The following ERG variants were observed in gnomAD, a reference collection of about 807,000 sequenced individuals.
ERG encodes the protein transcriptional regulator ERG.
Under a neutral mutation model 55.3 loss-of-function variants are expected in ERG, and 9 were observed. That is an observed-to-expected ratio of 0.16 (90% CI 0.10 to 0.28). ERG has a LOEUF of 0.28. Among genes scored for constraint, ERG ranks in the 10% least tolerant of loss-of-function variants. The pLI, the probability that ERG is intolerant of heterozygous loss-of-function variation, is 1.00. For synonymous variants in ERG, 223 were observed against 237.3 expected, an observed-to-expected ratio of 0.94 and a Z score of 0.55; for missense variants, 434 against 631.6, an observed-to-expected ratio of 0.69 and a Z score of 3.35.
chr21:38,505,533 T>C (rs1018327404), intron 2 of ERG, among the ~76,000 whole-genome samples: 8 of 152,222 alleles, frequency 5.3e-5, no homozygotes, highest in African/African-American at 1.9e-4. Context: ...TTTGTTGTTG[T>C]CATCTGATGC....
intron 2 of ERG, among the ~76,000 whole-genome samples, chr21:38,546,102 T>A (rs2059786258): frequency 6.6e-6 from 1 of 152,198 alleles, no homozygotes; most frequent in Admixed American, 6.5e-5. Flanking sequence ...CTCCTCTGTA[T>A]GCAGCACTTA....
intron 1 of ERG, among the ~76,000 whole-genome samples, chr21:38,643,524 A>G (rs1169018778): frequency 6.6e-6 from 1 of 152,070 alleles, no homozygotes; most frequent in Non-Finnish European, 1.5e-5. Context: ...TAAGAGGCAA[A>G]TTTGTTTCTT....
At chr21:38,556,461 G>A (rs1321471112) in intron 2 of ERG, among the ~76,000 whole-genome samples, 2 of 152,174 alleles carry the variant, frequency 1.3e-5, no homozygotes, top group Non-Finnish European at 2.9e-5. Context: ...GATAGGAGGA[G>A]ATAGGGCATA....
chr21:38,627,724 T>C (rs1037168233), intron 1 of ERG, among the ~76,000 whole-genome samples: 3 of 152,192 alleles, frequency 2.0e-5, no homozygotes, highest in African/African-American at 7.2e-5. Flanking sequence ...ACGAGTTTTG[T>C]CCCATGTTTT....
At chr21:38,548,471 G>A (rs1191727909) in intron 2 of ERG, among the ~76,000 whole-genome samples, 5 of 145,228 alleles carry the variant, frequency 3.4e-5, no homozygotes, top group South Asian at 2.2e-4. Context: ...TTTTTGAGAC[G>A]GAAGCTCACT....
At chr21:38,497,648 A>G (rs892303497) in intron 1 of ERG, among the ~76,000 whole-genome samples, 1 of 152,244 alleles carries the variant, frequency 6.6e-6, no homozygotes, top group Non-Finnish European at 1.5e-5. Context: ...AAGGAAATGC[A>G]TCAGACCAAA....
chr21:38,490,139 G>A (rs1377146750), intron 1 of ERG, among the ~76,000 whole-genome samples: 1 of 152,206 alleles, frequency 6.6e-6, no homozygotes, highest in South Asian at 2.1e-4. Flanking sequence ...AGCTCACTGT[G>A]TCTGTCAGAG....
chr21:38,437,996 G>A (rs558712539), intron 2 of ERG, among the ~76,000 whole-genome samples: 11 of 152,236 alleles, frequency 7.2e-5, no homozygotes, highest in South Asian at 4.2e-4. Flanking sequence ...ATGGCCCCAC[G>A]GGCTCTCCAA....
chr21:38,507,958 C>T (rs368323716), intron 2 of ERG, among the ~76,000 whole-genome samples: 35 of 55,330 alleles, frequency 6.3e-4, no homozygotes, highest in Non-Finnish European at 9.0e-4. Context: ...CTCACACACA[C>T]GCACATGCAC....
chr21:38,501,391 T>G (rs561649822), upstream of ERG, among the ~76,000 whole-genome samples: 18 of 152,014 alleles, frequency 1.2e-4, no homozygotes, highest in African/African-American at 4.4e-4. Context: ...AACTAGAATA[T>G]AGCAGTGCAG....
At chr21:38,618,923 C>T (rs73442419) in intron 1 of ERG, among the ~76,000 whole-genome samples, 9,930 of 152,236 alleles carry the variant, frequency 0.065, 589 homozygotes, top group African/African-American at 0.16. Flanking sequence ...AGAACCCAAT[C>T]CTGAAAATTT....
chr21:38,490,234 C>T (rs2059323758), intron 1 of ERG, among the ~76,000 whole-genome samples: 2 of 151,016 alleles, frequency 1.3e-5, no homozygotes, highest in Non-Finnish European at 2.9e-5. Context: ...ATTCAATTCA[C>T]AAACTGTTGT....
chr21:38,458,654 C>T (rs746153742), intron 1 of ERG, among the ~76,000 whole-genome samples: 9 of 152,160 alleles, frequency 5.9e-5, no homozygotes, highest in Middle Eastern at 3.2e-3. Flanking sequence ...GTTTCACTCA[C>T]GTCAGTGTCT....
chr21:38,510,160 T>A (rs1235891933), intron 2 of ERG, among the ~76,000 whole-genome samples: 1 of 152,212 alleles, frequency 6.6e-6, no homozygotes, highest in Non-Finnish European at 1.5e-5. Context: ...CCCAAACATC[T>A]AAAAAGCTTC....
chr21:38,519,109 G>A (rs2059574963), intron 2 of ERG, among the ~76,000 whole-genome samples: 1 of 152,168 alleles, frequency 6.6e-6, no homozygotes, highest in Admixed American at 6.5e-5. Context: ...ACATCAGAAT[G>A]TCTAAAACAA....
chr21:38,453,131 C>T (rs2058956605), intron 1 of ERG, among the ~76,000 whole-genome samples: 1 of 152,162 alleles, frequency 6.6e-6, no homozygotes, highest in Non-Finnish European at 1.5e-5. Context: ...TTGCCATTGG[C>T]AATATGTCTG....
chr21:38,400,761 C>T (rs1988452081), intron 5 of ERG, 116 bp from the exon 6 acceptor site: 1 of 713,312 alleles, frequency 1.4e-6, no homozygotes, highest in African/African-American at 1.8e-5. Flanking sequence ...CCTCCTCAAA[C>T]CTGCCTTAAC....
chr21:38,490,910 C>T (rs1381976518), intron 1 of ERG, among the ~76,000 whole-genome samples: 1 of 152,160 alleles, frequency 6.6e-6, no homozygotes, highest in Admixed American at 6.5e-5. Flanking sequence ...CGAAGAAATA[C>T]AGAGTACCAA....
At chr21:38,598,277 C>T (rs2146906433) in intron 1 of ERG, among the ~76,000 whole-genome samples, 1 of 152,330 alleles carries the variant, frequency 6.6e-6, no homozygotes, top group South Asian at 2.1e-4. Flanking sequence ...TCCTGGGCCC[C>T]ATGCCCCATT....
Sources: allele counts gnomAD v4.1 joint callset (sites outside exome capture counted in the v4.1 genomes callset), GRCh38; gene constraint gnomAD v4.1.1; transcripts MANE v1.5; gene names NCBI Gene and HGNC (gene_info 2026-07-23, HGNC 2026-07-21).